DEDD2: variants seen among roughly 807,000 people sequenced by gnomAD.
DEDD2 encodes the protein death effector domain containing 2.
Under a neutral mutation model 28.9 loss-of-function variants are expected in DEDD2, and 18 were observed. The observed-to-expected ratio is 0.62, with a 90% CI of 0.43 to 0.92. The LOEUF is 0.92. DEDD2 is among the 40% of genes least tolerant of loss of function. The probability of loss-of-function intolerance (pLI) is 0.00; values close to 1 mark genes in which losing one functional copy is unlikely to be tolerated. For synonymous variants in DEDD2, 211 were observed against 206.1 expected, an observed-to-expected ratio of 1.02 and a Z score of -0.20; for missense variants, 411 against 463.3, an observed-to-expected ratio of 0.89 and a Z score of 1.04.
Position 42,215,376 on chromosome 19 carries a change from T to C in DEDD2, c.329-124A>G, listed in dbSNP as rs1039667172. The C allele has an allele frequency of 2.0e-5, 24 of 1,205,270 alleles. No individual in the cohort carries two copies. The African/African-American group carries it at 3.5e-4, about 17-fold the overall frequency. 74.7% of individuals were successfully genotyped at this position (1,205,270 alleles called of 1,614,324 possible). On this transcript the variant is annotated intron_variant, in intron 2 of 4. Coordinates refer to ENST00000596251, the MANE Select transcript of DEDD2 (RefSeq NM_133328.4). Reference sequence around the variant, plus strand: ...TAGTCAGAGCCCAAATACCCACTCATTCTCAAACACCTCCTGCAGAGGTTG... The same window carrying C: ...TAGTCAGAGCCCAAATACCCACTCACTCTCAAACACCTCCTGCAGAGGTTG...
At chr19:42,214,047 G>A (rs1461416993) in intron 3 of DEDD2, among the ~76,000 whole-genome samples, 1 of 152,180 alleles carries the variant, frequency 6.6e-6, no homozygotes, top group Non-Finnish European at 1.5e-5. Flanking sequence ...AAAAAATCCA[G>A]AATTACGTAT....
At chr19:42,217,188 G>A (rs2036014180) in intron 1 of DEDD2, 143 bp from the exon 2 acceptor site, 1 of 647,810 alleles carries the variant, frequency 1.5e-6, no homozygotes, top group Non-Finnish European at 2.6e-6. Context: ...CCCTCCCCCG[G>A]GAGGGAATGG....
At chr19:42,202,097 C>T in intron 4 of DEDD2, 1 of 398,704 alleles carries the variant, frequency 2.5e-6, no homozygotes. Context: ...AACAAGAGGT[C>T]CCTGCTGCAC....
upstream of DEDD2, among the ~76,000 whole-genome samples, chr19:42,218,433 C>T (rs2036063860): frequency 6.6e-6 from 1 of 152,128 alleles, no homozygotes; most frequent in Non-Finnish European, 1.5e-5. Flanking sequence ...CCCTCCGTAA[C>T]CCCTTCCAAT....
Position 42,199,210 on chromosome 19 carries a change from G to A in DEDD2, c.*228C>T, listed in dbSNP as rs1472260106. On this transcript the variant is annotated 3_prime_UTR_variant, in exon 5 of 5. Transcript: ENST00000596251. This position sits in a 1 kb window ranked among gnomAD's most constrained non-coding sequence, Gnocchi z 7.4. ...CAGCCCCCGCCTCCGGAGGCTAAGG[G>A]GGCACACCTGGGGGTAGGAGGAGTC... 12 of 648,810 alleles carry A rather than the reference G, an allele frequency of 1.8e-5. No individual in the cohort carries two copies. The highest frequency in any genetic ancestry group is 2.5e-6 in the Non-Finnish European group (1 of 395,592). 40.2% of individuals were successfully genotyped at this position (648,810 alleles called of 1,614,324 possible). A position where few individuals can be genotyped will look rare whatever the true frequency, so the allele number is the denominator to read the frequency against.
chr19:42,215,336 G>A (rs1428945330), intron 2 of DEDD2, 84 bp from the exon 3 acceptor site: 2 of 1,562,556 alleles, frequency 1.3e-6, no homozygotes, highest in Non-Finnish European at 1.7e-6. Context: ...ACCACGAGGT[G>A]CCTAAGTTCC....
chr19:42,200,681 A>G (rs1201339624), intron 4 of DEDD2, among the ~76,000 whole-genome samples: 2 of 152,220 alleles, frequency 1.3e-5, no homozygotes, highest in African/African-American at 4.8e-5. Flanking sequence ...AAGCCTACGC[A>G]GGGCCAGCCC....
intron 3 of DEDD2, among the ~76,000 whole-genome samples, chr19:42,210,442 G>A (rs985305966): frequency 1.3e-5 from 2 of 151,948 alleles, no homozygotes; most frequent in South Asian, 2.1e-4. Flanking sequence ...TGCTCAGGCT[G>A]GAGTGCAATG....
At chr19:42,219,684 T>C (rs1483481302), upstream of DEDD2, among the ~76,000 whole-genome samples, 1 of 152,192 alleles carries the variant, frequency 6.6e-6, no homozygotes, top group Non-Finnish European at 1.5e-5. Flanking sequence ...TGGATGGCAA[T>C]GGTAAGCTAC....
intron 4 of DEDD2, among the ~76,000 whole-genome samples, chr19:42,203,647 C>T (rs776254495): frequency 2.6e-5 from 4 of 152,162 alleles, no homozygotes; most frequent in African/African-American, 4.8e-5. Context: ...CCCTAACATC[C>T]GCCCATGTGG....
chr19:42,207,012 C>T (rs1229615410), intron 4 of DEDD2, among the ~76,000 whole-genome samples: 1 of 152,160 alleles, frequency 6.6e-6, no homozygotes, highest in East Asian at 1.9e-4. Context: ...CTCCTCGCCT[C>T]GGGAAAGAGA....
At chr19:42,210,012 T>C (rs2035692246) in intron 3 of DEDD2, among the ~76,000 whole-genome samples, 172 bp from the exon 4 acceptor site, 1 of 151,960 alleles carries the variant, frequency 6.6e-6, no homozygotes, top group African/African-American at 2.4e-5. Flanking sequence ...TCTAGCATCA[T>C]CTAGAAGGGC....
chr19:42,219,084 C>G (rs1422411855), upstream of DEDD2, among the ~76,000 whole-genome samples: 1 of 152,162 alleles, frequency 6.6e-6, no homozygotes, highest in African/African-American at 2.4e-5. Flanking sequence ...GCGGGCGGAT[C>G]ACCTGAGGTC....
At chr19:42,201,018 G>A (rs1422052674) in intron 4 of DEDD2, among the ~76,000 whole-genome samples, 2 of 152,228 alleles carry the variant, frequency 1.3e-5, no homozygotes, top group South Asian at 2.1e-4. Context: ...AGAAACAGCA[G>A]CAGCCAACAC....
In DEDD2 at chr19:42,209,776, C is replaced by T. The variant is rs1472539830; in HGVS notation, c.513G>A (p.Arg171=). The change falls in exon 4 of 5, where the codon CGG becomes CGA. Residue 171 remains arginine, a synonymous_variant. Transcript: ENST00000596251. ...RGRPSGGARR[R]RRGAPAAPQQ... ...GGGGTGCGGCTGGGGCCCCTCTCCG[C>T]CGCCGTCTGGCACCACCACTGGGCC... The T allele has an allele frequency of 3.1e-6, 5 of 1,597,328 alleles. No individual in the cohort carries two copies. Among genetic ancestry groups the T allele is most frequent in the African/African-American group, 1.4e-5 (1 of 74,070 alleles).
chr19:42,208,965 C>T (rs554826347), intron 4 of DEDD2, among the ~76,000 whole-genome samples: 3 of 152,176 alleles, frequency 2.0e-5, no homozygotes, highest in African/African-American at 2.4e-5. Context: ...TGGCTGGGTG[C>T]GGTGGCTCAC....
Position 42,216,826 on chromosome 19 carries a change from C to T in DEDD2, c.182G>A (p.Arg61Gln). ...EAPGAAGGLA[R>Q]ARSGLELLLE... Reference sequence around the variant, plus strand: ...CAGGAGCTCTAGGCCGCTGCGGGCCCGGGCTAAGCCTCCGGCGGCGCCAGG... The same window carrying T: ...CAGGAGCTCTAGGCCGCTGCGGGCCTGGGCTAAGCCTCCGGCGGCGCCAGG... The change falls in exon 2 of 5, where the codon CGG becomes CAG. Residue 61 changes from arginine to glutamine, a missense_variant. This residue lies in a region of DEDD2 where 282 missense variants were observed against 273.4 expected (regional missense o/e 1.03). Transcript: ENST00000596251. 1 of 1,584,102 alleles carries T rather than the reference C, an allele frequency of 6.3e-7. No individual in the cohort carries two copies. Among genetic ancestry groups the T allele is most frequent in the Non-Finnish European group, 8.6e-7 (1 of 1,165,626 alleles).
rs947409007 is a variant in DEDD2, at chr19:42,211,460, A to AGAGG, written c.449-1624_449-1621dup. 3.1e-5 allele frequency among the ~76,000 whole-genome samples: 4 copies of AGAGG among 128,848 alleles called. No homozygotes were observed. In the South Asian group the frequency reaches 1.1e-3, roughly 35 times the overall value. 84.5% of individuals were successfully genotyped at this position (128,848 alleles called of 152,430 possible). A position where few individuals can be genotyped will look rare whatever the true frequency, so the allele number is the denominator to read the frequency against. On this transcript the variant is annotated intron_variant, in intron 3 of 4. Transcript: ENST00000596251. ...GGGAGGGAGGGAGGGAAGGAGGAAGAGAGGGAGGGAGGAAGGGAGGGAGGG... is the reference window on the plus strand; with the variant it reads ...GGGAGGGAGGGAGGGAAGGAGGAAGAGAGGGAGGGAGGGAGGAAGGGAGGGAGGG...
intron 3 of DEDD2, among the ~76,000 whole-genome samples, chr19:42,212,467 T>C (rs1403820345): frequency 2.1e-5 from 3 of 143,198 alleles, no homozygotes; most frequent in Non-Finnish European, 4.6e-5. Flanking sequence ...ACCCGGCTCG[T>C]TTTTTTTTTT....
Sources: gnomAD v4.1 joint callset for allele counts (sites outside exome capture counted in the v4.1 genomes callset) on GRCh38, gnomAD v4.1.1 for gene constraint, gnomAD v4.1.1 regional missense constraint, Gnocchi (gnomAD v3.1) non-coding constraint, MANE v1.5 for transcripts, NCBI Gene and HGNC (gene_info 2026-07-23, HGNC 2026-07-21) for gene names.